The following RCOR1 variants were observed in gnomAD, a reference collection of about 807,000 sequenced individuals.
RCOR1 encodes REST corepressor.
A neutral mutation model predicts 64.0 loss-of-function variants in RCOR1; 12 were observed. The ratio of observed to expected loss-of-function variants is 0.19; its 90% CI spans 0.12 to 0.30. The LOEUF is 0.30. Ranked by LOEUF, RCOR1 falls within the 10% of genes least tolerant of loss-of-function variation. RCOR1 has a pLI of 1.00. For synonymous variants in RCOR1, 279 were observed against 227.2 expected (o/e 1.23, Z -2.05); for missense variants, 502 against 621.2 (o/e 0.81, Z 2.04).
intron 2 of RCOR1, among the ~76,000 whole-genome samples, chr14:102,594,715 A>G (rs555469522): frequency 3.3e-5 from 5 of 151,012 alleles, no homozygotes; most frequent in African/African-American, 1.2e-4. Flanking sequence ...GGATAGAACT[A>G]GGTGGCCAGG....
At chr14:102,598,946 CCAG>C (rs1445336719) in intron 2 of RCOR1, among the ~76,000 whole-genome samples, 1 of 151,778 alleles carries the variant, frequency 6.6e-6, no homozygotes, top group Non-Finnish European at 1.5e-5. Context: ...CATGTGTTGT[CCAG>C]ACTGCCTTTC....
At chr14:102,614,181 C>T (rs1662937481) in intron 2 of RCOR1, among the ~76,000 whole-genome samples, 1 of 151,698 alleles carries the variant, frequency 6.6e-6, no homozygotes, top group African/African-American at 2.4e-5. Flanking sequence ...AGGCGTGAGC[C>T]ACTGCACCCA....
intron 8 of RCOR1, among the ~76,000 whole-genome samples, chr14:102,719,564 A>G (rs1185034072): frequency 1.3e-5 from 2 of 152,170 alleles, no homozygotes; most frequent in Non-Finnish European, 2.9e-5. Context: ...CCATGTCCTT[A>G]CAAAGGACAT....
At chr14:102,646,716 C>T (rs1429548906) in intron 2 of RCOR1, among the ~76,000 whole-genome samples, 1 of 152,134 alleles carries the variant, frequency 6.6e-6, no homozygotes, top group Non-Finnish European at 1.5e-5. Flanking sequence ...TTAATTTTTG[C>T]TTAAGTGTGA....
Position 102,726,836 on chromosome 14 carries a change from C to T in RCOR1, c.*330C>T. 3 of 325,830 alleles carry T rather than the reference C, an allele frequency of 9.2e-6. No homozygotes were observed. The highest frequency in any genetic ancestry group is 1.1e-5 in the Non-Finnish European group (2 of 179,382). 20.2% of individuals were successfully genotyped at this position (325,830 alleles called of 1,614,324 possible). On this transcript the variant is annotated 3_prime_UTR_variant, in exon 12 of 12. Coordinates refer to ENST00000262241, the MANE Select transcript of RCOR1 (RefSeq NM_015156.4). ...ACCAATGGCAGCTCTTCCCAGTCAG[C>T]AGCTTCAGAGCAGGCAGTCTCCTTG...
At chr14:102,657,562 G>A in intron 2 of RCOR1, 1 of 980,772 alleles carries the variant, frequency 1.0e-6, no homozygotes, top group African/African-American at 1.7e-5. Flanking sequence ...GACTGACTGG[G>A]TGCAGTGGAT....
intron 2 of RCOR1, chr14:102,643,313 A>G (rs1894411037): frequency 1.5e-5 from 15 of 980,234 alleles, no homozygotes; most frequent in Non-Finnish European, 1.8e-5. Context: ...GAGATTAGAA[A>G]AGATGTGAAC....
chr14:102,720,290 G>C (rs1896149212), intron 8 of RCOR1, among the ~76,000 whole-genome samples: 1 of 152,170 alleles, frequency 6.6e-6, no homozygotes, highest in South Asian at 2.1e-4. Context: ...TCTCATTCAA[G>C]GGTCCATGGG....
At chr14:102,603,950 T>A (rs1029968097) in intron 2 of RCOR1, among the ~76,000 whole-genome samples, 1 of 152,224 alleles carries the variant, frequency 6.6e-6, no homozygotes, top group African/African-American at 2.4e-5. Flanking sequence ...ATTGCACATA[T>A]GTTTTTTGTT....
intron 2 of RCOR1, among the ~76,000 whole-genome samples, chr14:102,613,047 GGTT>G (rs747569160): frequency 3.4e-4 from 52 of 151,210 alleles, no homozygotes; most frequent in African/African-American, 1.2e-3. Context: ...TGGTTTTTTT[GGTT>G]GTTGTTGTTG....
In RCOR1 at chr14:102,722,303, G is replaced by A; in HGVS notation, c.1306G>A (p.Val436Ile). The A allele has an allele frequency of 6.2e-7, 1 of 1,614,180 alleles. No individual in the cohort carries two copies. Among genetic ancestry groups the A allele is most frequent in the South Asian group, 1.1e-5 (1 of 91,088 alleles). Residue 436 changes from valine (V) to isoleucine (I), a missense_variant, in exon 11 of 12, where the codon GTT (valine) becomes ATT (isoleucine). This residue lies in a region of RCOR1 where 260 missense variants were observed against 416.4 expected (regional missense o/e 0.62). Transcript: ENST00000262241. ...TCGACGCCGCTTCAACATAGATGAAGTTTTACAAGAATGGGAGGCAGAACA... is the reference window on the plus strand; with the variant it reads ...TCGACGCCGCTTCAACATAGATGAAATTTTACAAGAATGGGAGGCAGAACA... ...NYRRRFNIDEVLQEWEAEHGK... is the reference protein window; with the variant it reads ...NYRRRFNIDEILQEWEAEHGK...
intron 2 of RCOR1, among the ~76,000 whole-genome samples, chr14:102,635,825 AC>A (rs1485077377): frequency 6.6e-6 from 1 of 152,126 alleles, no homozygotes; most frequent in Non-Finnish European, 1.5e-5. Context: ...GGTGTCATGC[AC>A]CTGTAGTCCT....
At chr14:102,622,102 A>G (rs1178242810) in intron 2 of RCOR1, among the ~76,000 whole-genome samples, 1 of 152,206 alleles carries the variant, frequency 6.6e-6, no homozygotes, top group African/African-American at 2.4e-5. Context: ...CATTAGAAAC[A>G]GTGGAAAATC....
chr14:102,615,132 C>T (rs1445994381), intron 2 of RCOR1, among the ~76,000 whole-genome samples: 12 of 145,144 alleles, frequency 8.3e-5, no homozygotes, highest in African/African-American at 3.1e-4. Context: ...TGCCCGGCCC[C>T]CCCGCCCCCA....
At chr14:102,632,346 T>C (rs1379963544) in intron 2 of RCOR1, among the ~76,000 whole-genome samples, 1 of 150,812 alleles carries the variant, frequency 6.6e-6, no homozygotes, top group Non-Finnish European at 1.5e-5. Context: ...CCTCTCCAAG[T>C]AGCTGGGACT....
At chr14:102,653,916 TTTCC>T (rs1279706468) in intron 2 of RCOR1, among the ~76,000 whole-genome samples, 1 of 144,446 alleles carries the variant, frequency 6.9e-6, no homozygotes, top group African/African-American at 2.5e-5. Context: ...ATCTCAGGTA[TTTCC>T]TTCTTTCTTT....
chr14:102,702,198 T>C (rs79691636), intron 4 of RCOR1, among the ~76,000 whole-genome samples: 4 of 152,200 alleles, frequency 2.6e-5, no homozygotes, highest in Admixed American at 6.5e-5. Context: ...TATGTGAAAT[T>C]GTACCCTTTC....
At chr14:102,706,233 A>T (rs1487873319) in intron 4 of RCOR1, among the ~76,000 whole-genome samples, 3 of 151,806 alleles carry the variant, frequency 2.0e-5, no homozygotes, top group Non-Finnish European at 4.4e-5. Context: ...GTCCCTCCTT[A>T]TCAGTGATTA....
intron 9 of RCOR1, 24 bp from the exon 10 acceptor site, chr14:102,721,296 A>G (rs1005240800): frequency 1.2e-6 from 2 of 1,603,692 alleles, no homozygotes; most frequent in African/African-American, 2.7e-5. Flanking sequence ...GTAATGTGCT[A>G]AAATGACTCA....
Sources: allele counts gnomAD v4.1 joint callset (sites outside exome capture counted in the v4.1 genomes callset), GRCh38; gene constraint gnomAD v4.1.1; regional missense constraint gnomAD v4.1.1; transcripts MANE v1.5; gene names NCBI Gene and HGNC (gene_info 2026-07-23, HGNC 2026-07-21).